TACC1: variants seen among roughly 807,000 people sequenced by gnomAD.
TACC1 encodes transforming acidic coiled-coil-containing protein 1.
A neutral mutation model predicts 84.4 loss-of-function variants in TACC1; 48 were observed. The observed-to-expected ratio is 0.57, with a 90% CI of 0.45 to 0.72. TACC1 has a LOEUF of 0.72. Ranked by LOEUF, TACC1 falls within the 30% of genes least tolerant of loss-of-function variation. TACC1 has a pLI of 0.00. For missense variants in TACC1, 920 were observed against 973.0 expected (o/e 0.95, Z 0.72); for synonymous variants, 372 against 376.3 (o/e 0.99, Z 0.13).
Position 38,819,865 on chromosome 8 carries a change from C to T in TACC1, c.621C>T (p.Ala207=), listed in dbSNP as rs776167167. ...TEGSMGVTLE[A]SAEADLKAGN... is the part of the protein sequence containing the mutation. ...GCAGCATGGGGGTCACCCTCGAGGC[C>T]TCCGCAGAAGCTGATCTAAAAGCTG... is the stretch of plus-strand genomic sequence containing the variant. Residue 207 remains alanine, a synonymous_variant, in exon 3 of 13, where the codon GCC becomes GCT. Transcript: ENST00000317827. 6.2e-7 allele frequency: 1 copy of T among 1,613,952 alleles called. No homozygotes were observed. Among genetic ancestry groups the T allele is most frequent in the Non-Finnish European group, 8.5e-7 (1 of 1,180,038 alleles).
In TACC1 at chr8:38,820,016, C is replaced by G. The variant is rs779860631; in HGVS notation, c.772C>G (p.Pro258Ala). 2 of 1,613,924 alleles carry G rather than the reference C, an allele frequency of 1.2e-6. No individual in the cohort carries two copies. The highest frequency in any genetic ancestry group is 2.7e-5 in the African/African-American group (2 of 74,926). ...SDTNAAVEGT[P>A]LPKASYHFSP... The stretch of plus-strand genomic sequence containing the variant: ...CACCAACGCTGCTGTGGAGGGCACA[C>G]CTCTCCCCAAGGCATCCTATCACTT... Residue 258 changes from proline to alanine, a missense_variant, in exon 3 of 13, where the codon CCT (proline) becomes GCT (alanine). Coordinates refer to ENST00000317827, the MANE Select transcript of TACC1 (RefSeq NM_006283.3).
chr8:38,828,129 A>G (rs1296959586), intron 5 of TACC1: 1 of 152,300 alleles, frequency 6.6e-6, no homozygotes, highest in Non-Finnish European at 1.5e-5. Context: ...TGATTGTTAT[A>G]CTCATTGTTT....
At chr8:38,773,181 C>A (rs1306146725) in intron 3 of TACC1, among the ~76,000 whole-genome samples, 1 of 151,730 alleles carries the variant, frequency 6.6e-6, no homozygotes, top group East Asian at 1.9e-4. Flanking sequence ...CAAAAATTAG[C>A]CTGGCGTGGT....
At chr8:38,845,806 C>T (rs1300139197) in intron 11 of TACC1, among the ~76,000 whole-genome samples, 1 of 152,220 alleles carries the variant, frequency 6.6e-6, no homozygotes, top group Non-Finnish European at 1.5e-5. Flanking sequence ...AGTTTTCAGC[C>T]GCCCATTGGC....
chr8:38,824,702 C>G (rs1240463184), intron 3 of TACC1: 4 of 152,748 alleles, frequency 2.6e-5, no homozygotes, highest in Non-Finnish European at 5.8e-5. Flanking sequence ...CAAGCTTCCC[C>G]AGTTTCAGGC....
chr8:38,760,049 A>G (rs1810910922), intron 3 of TACC1, among the ~76,000 whole-genome samples: 1 of 152,108 alleles, frequency 6.6e-6, no homozygotes, highest in Non-Finnish European at 1.5e-5. Context: ...AAAAAAAAAT[A>G]CATGAAAGTC....
chr8:38,820,682 T>G, intron 3 of TACC1, 47 bp downstream of exon 3: 1 of 1,558,412 alleles, frequency 6.4e-7, no homozygotes, highest in Non-Finnish European at 8.6e-7. Flanking sequence ...TCTTGTCTGT[T>G]GAGTTTGGCA....
intron 3 of TACC1, among the ~76,000 whole-genome samples, chr8:38,780,766 G>A (rs1182205904): frequency 6.6e-6 from 1 of 152,010 alleles, no homozygotes; most frequent in Non-Finnish European, 1.5e-5. Flanking sequence ...AAGTTAACTG[G>A]GTGGTATTGC....
At chr8:38,768,913 G>T (rs948059761) in intron 3 of TACC1, among the ~76,000 whole-genome samples, 2 of 151,104 alleles carry the variant, frequency 1.3e-5, no homozygotes, top group African/African-American at 4.9e-5. Context: ...GTGACTGTGT[G>T]TGGTGTGTGT....
chr8:38,730,790 G>A (rs1804773773), intron 1 of TACC1, among the ~76,000 whole-genome samples: 1 of 152,226 alleles, frequency 6.6e-6, no homozygotes, highest in Non-Finnish European at 1.5e-5. Context: ...GAGGAGCAGG[G>A]TCACGGGGCC....
At chr8:38,763,469 A>G (rs191447879) in intron 3 of TACC1, among the ~76,000 whole-genome samples, 268 of 152,240 alleles carry the variant, frequency 1.8e-3, no homozygotes, top group Non-Finnish European at 1.8e-3. Flanking sequence ...ATTTTGTTTT[A>G]GCATAAACAA....
intron 2 of TACC1, among the ~76,000 whole-genome samples, chr8:38,804,501 A>G (rs1822189287): frequency 6.6e-6 from 1 of 152,060 alleles, no homozygotes; most frequent in Admixed American, 6.6e-5. Context: ...GGGTTTTGCC[A>G]TGTTGGCCAG....
chr8:38,827,706 C>G (rs1828407038), intron 5 of TACC1: 1 of 279,722 alleles, frequency 3.6e-6, no homozygotes, highest in Non-Finnish European at 6.9e-6. Context: ...AAAGGAATAC[C>G]TGAGAATGGC....
chr8:38,750,464 G>C (rs1808824833), intron 3 of TACC1, among the ~76,000 whole-genome samples: 1 of 152,124 alleles, frequency 6.6e-6, no homozygotes, highest in Non-Finnish European at 1.5e-5. Context: ...GGAGTGCCTA[G>C]TCAGTGCAAC....
chr8:38,837,102 A>AAT, intron 7 of TACC1, among the ~76,000 whole-genome samples: 2 of 146,990 alleles, frequency 1.4e-5, no homozygotes, highest in Non-Finnish European at 1.5e-5. Flanking sequence ...GGCCCACCAA[A>AAT]ATCTTTTTTT....
At chr8:38,742,582 G>A (rs749961819) in intron 2 of TACC1, 14 of 691,596 alleles carry the variant, frequency 2.0e-5, no homozygotes, top group African/African-American at 3.6e-5. Context: ...AATAATGATC[G>A]AGGAAAGAAC....
chr8:38,815,726 A>G (rs189004534), intron 2 of TACC1, among the ~76,000 whole-genome samples: 7 of 152,220 alleles, frequency 4.6e-5, no homozygotes, highest in African/African-American at 1.7e-4. Context: ...GCAATGTATA[A>G]TAGATTTTAA....
chr8:38,772,948 T>C (rs777238192), intron 3 of TACC1, among the ~76,000 whole-genome samples: 4 of 152,160 alleles, frequency 2.6e-5, no homozygotes, highest in Non-Finnish European at 5.9e-5. Flanking sequence ...GTTTATAATA[T>C]TAAGGTTTAA....
chr8:38,795,154 T>C (rs1819670869), intron 2 of TACC1, among the ~76,000 whole-genome samples: 1 of 152,218 alleles, frequency 6.6e-6, no homozygotes, highest in African/African-American at 2.4e-5. Context: ...TGCTTCTATA[T>C]GGTGCCTTAC....
Sources: allele counts gnomAD v4.1 joint callset (sites outside exome capture counted in the v4.1 genomes callset), GRCh38; gene constraint gnomAD v4.1.1; transcripts MANE v1.5; gene names NCBI Gene and HGNC (gene_info 2026-07-23, HGNC 2026-07-21).